SLC9D1: variants seen among roughly 807,000 people sequenced by gnomAD.
SLC9D1 encodes putative LAG1-interacting protein.
chr13:113,496,041 G>GGAGAGA, the SLC9D1 span: 1 of 1,507,564 alleles, frequency 6.6e-7, no homozygotes, highest in Non-Finnish European at 9.0e-7. Context: ...TCCTAGAGAG[G>GGAGAGA]GAGAGAGAGA....
the SLC9D1 span, chr13:113,501,855 G>T: frequency 6.2e-7 from 1 of 1,611,594 alleles, no homozygotes; most frequent in Non-Finnish European, 8.5e-7. Flanking sequence ...GTACTTCTGG[G>T]ACCTTCAGGA....
the SLC9D1 span, among the ~76,000 whole-genome samples, chr13:113,525,064 A>G: frequency 2.0e-5 from 3 of 152,082 alleles, no homozygotes; most frequent in African/African-American, 7.2e-5. Flanking sequence ...ATCACAGTGG[A>G]CACATGTAAC....
At chr13:113,520,204 G>A in the SLC9D1 span, among the ~76,000 whole-genome samples, 3 of 152,172 alleles carry the variant, frequency 2.0e-5, no homozygotes, top group South Asian at 4.2e-4. Context: ...GTAAAGTGCC[G>A]GCCGGGAGTA....
At chr13:113,501,607 G>A in the SLC9D1 span, 5 of 635,484 alleles carry the variant, frequency 7.9e-6, no homozygotes, top group South Asian at 1.0e-4. Flanking sequence ...TCCTCAGCAT[G>A]AGGAAAATCG....
At chr13:113,507,133 C>T in the SLC9D1 span, among the ~76,000 whole-genome samples, 3 of 152,046 alleles carry the variant, frequency 2.0e-5, no homozygotes, top group Non-Finnish European at 4.4e-5. Context: ...TGTCTTGGCG[C>T]TGACGAGGGT....
At chr13:113,547,130 A>G in the SLC9D1 span, 1 of 617,184 alleles carries the variant, frequency 1.6e-6, no homozygotes, top group Non-Finnish European at 2.9e-6. Context: ...CGGTTCGCTC[A>G]GGAAAGGGGC....
chr13:113,511,223 T>A, the SLC9D1 span, among the ~76,000 whole-genome samples: 2 of 152,118 alleles, frequency 1.3e-5, no homozygotes, highest in Non-Finnish European at 2.9e-5. Context: ...GCTCTTATTT[T>A]GTAAAAGTCA....
chr13:113,501,953 G>T, the SLC9D1 span: 1 of 1,246,486 alleles, frequency 8.0e-7, no homozygotes. Context: ...AGACTAAAAA[G>T]TATTGAATGT....
chr13:113,515,003 C>T, the SLC9D1 span, among the ~76,000 whole-genome samples: 1 of 152,322 alleles, frequency 6.6e-6, no homozygotes, highest in East Asian at 1.9e-4. Flanking sequence ...CAGGCATGAG[C>T]CACCGCACCT....
chr13:113,520,966 G>A, the SLC9D1 span, among the ~76,000 whole-genome samples: 1 of 152,126 alleles, frequency 6.6e-6, no homozygotes, highest in Non-Finnish European at 1.5e-5. Context: ...CCATCAAGTA[G>A]GGGTGGTAGT....
the SLC9D1 span, among the ~76,000 whole-genome samples, chr13:113,499,155 C>T: frequency 2.3e-4 from 35 of 152,044 alleles, no homozygotes; most frequent in Non-Finnish European, 1.0e-4. Flanking sequence ...TGTCATGGCG[C>T]GGGTGGGAGT....
the SLC9D1 span, among the ~76,000 whole-genome samples, chr13:113,548,879 TGTAA>T: frequency 6.6e-6 from 1 of 152,026 alleles, no homozygotes; most frequent in African/African-American, 2.4e-5. Context: ...CCTTGCATTG[TGTAA>T]GTGTGAGGCG....
chr13:113,497,968 AG>A, the SLC9D1 span, among the ~76,000 whole-genome samples: 3 of 152,382 alleles, frequency 2.0e-5, no homozygotes, highest in East Asian at 5.8e-4. Flanking sequence ...GCATTTAGAT[AG>A]TAGCTCCACA....
chr13:113,517,389 C>G, the SLC9D1 span, among the ~76,000 whole-genome samples: 4 of 152,096 alleles, frequency 2.6e-5, no homozygotes, highest in Non-Finnish European at 5.9e-5. Flanking sequence ...CCCGCCACCA[C>G]GCCCGGCTAA....
At chr13:113,547,190 A>C in the SLC9D1 span, 3 of 842,228 alleles carry the variant, frequency 3.6e-6, no homozygotes, top group Non-Finnish European at 5.9e-6. Flanking sequence ...GGGAGGATTT[A>C]GGATTTTAAT....
At chr13:113,498,125 C>A in the SLC9D1 span, among the ~76,000 whole-genome samples, 634 of 152,212 alleles carry the variant, frequency 4.2e-3, 16 homozygotes, top group East Asian at 0.049. Context: ...ATGTTTCTTA[C>A]GTGTGTTGAT....
At chr13:113,521,669 T>C in the SLC9D1 span, among the ~76,000 whole-genome samples, 3 of 152,098 alleles carry the variant, frequency 2.0e-5, no homozygotes, top group Non-Finnish European at 4.4e-5. Flanking sequence ...AAACGTAAAC[T>C]GCACCTGCTT....
the SLC9D1 span, chr13:113,499,989 G>A: frequency 6.4e-7 from 1 of 1,554,304 alleles, no homozygotes; most frequent in East Asian, 2.3e-5. Context: ...GCAGTTCTGA[G>A]GGTGGAGGAA....
At chr13:113,540,292 T>G in the SLC9D1 span, among the ~76,000 whole-genome samples, 658 of 152,322 alleles carry the variant, frequency 4.3e-3, 6 homozygotes, top group Non-Finnish European at 4.4e-3. Context: ...TAATTCTGTT[T>G]GCAGTTATTT....
Sources: allele counts gnomAD v4.1 joint callset (sites outside exome capture counted in the v4.1 genomes callset), GRCh38; gene constraint gnomAD v4.1.1; transcripts MANE v1.5; gene names NCBI Gene and HGNC (gene_info 2026-07-23, HGNC 2026-07-21).